Variants in PI4KA observed in about 807,000 individuals in gnomAD.
The protein encoded by PI4KA is PI4-kinase alpha.
Under a neutral mutation model 271.4 loss-of-function variants are expected in PI4KA, and 122 were observed. The observed-to-expected ratio is 0.45, with a 90% CI of 0.39 to 0.52. The LOEUF is 0.52. Among genes scored for constraint, PI4KA ranks in the 20% least tolerant of loss-of-function variants. The pLI, the probability that PI4KA is intolerant of heterozygous loss-of-function variation, is 0.00. For missense variants in PI4KA, 1,969 were observed against 2,769.1 expected (o/e 0.71, Z 6.48); for synonymous variants, 1,041 against 1,078.8 (o/e 0.96, Z 0.69).
At chr22:20,723,061 C>T (rs1926931594) in intron 42 of PI4KA, among the ~76,000 whole-genome samples, 5 of 150,952 alleles carry the variant, frequency 3.3e-5, no homozygotes, top group Admixed American at 3.3e-4. Flanking sequence ...CAGAGTCTCG[C>T]TCTGTCTCCC....
At chr22:20,820,722 T>C (rs1371660496) in intron 4 of PI4KA, 111 bp from the exon 5 acceptor site, 22 of 728,056 alleles carry the variant, frequency 3.0e-5, no homozygotes, top group Non-Finnish European at 4.7e-5. Context: ...ACCAACCCCA[T>C]ATATGATACA....
rs2845529 is a variant in PI4KA, at chr22:20,716,566, T to G, written c.5317+1142A>C. On this transcript the variant is annotated intron_variant, in intron 45 of 54. Coordinates refer to ENST00000255882, the MANE Select transcript of PI4KA (RefSeq NM_058004.4). ...CCTCCTCTTCCTCACCTGCCCTTCT[T>G]CCTGCTCCAGGCTGTGGCTCACACT... 2.6e-3 allele frequency among the ~76,000 whole-genome samples: 386 copies of G among 149,760 alleles called. 3 individuals carry two copies. The East Asian group carries it at 0.049, about 19-fold the overall frequency.
intron 41 of PI4KA, 56 bp from the exon 42 acceptor site, chr22:20,726,597 T>C: frequency 6.8e-7 from 1 of 1,480,792 alleles, no homozygotes; most frequent in Admixed American, 2.1e-5. Flanking sequence ...CACCCAACCC[T>C]ACGGCCCAGG....
intron 29 of PI4KA, among the ~76,000 whole-genome samples, chr22:20,746,038 C>CAAA (rs11330592): frequency 1.7e-5 from 1 of 60,370 alleles, no homozygotes; most frequent in Non-Finnish European, 2.8e-5. Flanking sequence ...GGGGTTTCAT[C>CAAA]AAAAAAAAAA....
chr22:20,828,986 G>A (rs1923807268), intron 3 of PI4KA, among the ~76,000 whole-genome samples: 1 of 152,158 alleles, frequency 6.6e-6, no homozygotes. Context: ...TGCATACATT[G>A]TATCGATCCT....
Position 20,858,739 on chromosome 22 carries a change from GC to G in PI4KA, c.-15del. 2 of 1,379,370 alleles carry G rather than the reference GC, an allele frequency of 1.4e-6. No homozygotes were observed. Among genetic ancestry groups the G allele is most frequent in the Non-Finnish European group, 1.9e-6 (2 of 1,066,146 alleles). The allele number at this position is 1,379,370 out of a possible 1,614,324, so 85.4% of individuals were successfully genotyped here. Reference sequence around the variant, plus strand: ...GGCCGCCGCCATCACCTCACGAGCCGCGGCGCTGCCCGCCGGCTCCCCGCTC... The same window carrying G: ...GGCCGCCGCCATCACCTCACGAGCCGGGCGCTGCCCGCCGGCTCCCCGCTC... On this transcript the variant is annotated 5_prime_UTR_variant, in exon 1 of 55. Transcript: ENST00000255882.
chr22:20,811,519 T>C (rs545948854), intron 8 of PI4KA, among the ~76,000 whole-genome samples: 1 of 151,048 alleles, frequency 6.6e-6, no homozygotes, highest in Admixed American at 6.7e-5. Flanking sequence ...AGCTCATATT[T>C]TAAATTTTCA....
At chr22:20,812,727 G>C (rs1171368818) in intron 8 of PI4KA, among the ~76,000 whole-genome samples, 1 of 152,062 alleles carries the variant, frequency 6.6e-6, no homozygotes, top group Non-Finnish European at 1.5e-5. Flanking sequence ...CTAAAGTTTT[G>C]TGTTTTTTAG....
chr22:20,762,984 C>G (rs952628442), intron 22 of PI4KA, among the ~76,000 whole-genome samples: 29 of 122,248 alleles, frequency 2.4e-4, no homozygotes, highest in African/African-American at 9.0e-4. Flanking sequence ...GCATGTGCCA[C>G]CACAACTGGC....
At chr22:20,770,411 G>A (rs2147425940) in intron 19 of PI4KA, among the ~76,000 whole-genome samples, 1 of 150,856 alleles carries the variant, frequency 6.6e-6, no homozygotes. Flanking sequence ...TACTTGGGAG[G>A]CTGAGGCAGG....
intron 19 of PI4KA, among the ~76,000 whole-genome samples, chr22:20,780,789 A>AAAAAAAAAAAAAAAAAAG (rs1569025354): frequency 2.6e-5 from 4 of 151,278 alleles, no homozygotes; most frequent in African/African-American, 9.7e-5. Flanking sequence ...AAAAAAAAAA[A>AAAAAAAAAAAAAAAAAAG]AAGAAGTAAA....
At chr22:20,784,930 T>C (rs773533845) in intron 19 of PI4KA, among the ~76,000 whole-genome samples, 9 of 152,132 alleles carry the variant, frequency 5.9e-5, no homozygotes, top group Admixed American at 1.3e-4. Context: ...CTGAGAAAAG[T>C]AGGCTCTCAG....
chr22:20,801,184 C>T (rs1243086287), intron 14 of PI4KA, among the ~76,000 whole-genome samples: 5 of 151,626 alleles, frequency 3.3e-5, no homozygotes, highest in African/African-American at 1.2e-4. Context: ...GCCACCACAC[C>T]AGGCCTCTTA....
At chr22:20,759,596 C>T (rs1931744132) in intron 23 of PI4KA, among the ~76,000 whole-genome samples, 2 of 151,392 alleles carry the variant, frequency 1.3e-5, no homozygotes, top group South Asian at 4.2e-4. Flanking sequence ...GACAGAGTCT[C>T]ACTCTGTCAC....
rs1935558481 is a variant in PI4KA, at chr22:20,805,016, C to T, written c.1318G>A (p.Ala440Thr). The T allele has an allele frequency of 6.2e-7, 1 of 1,614,090 alleles. No homozygotes were observed. Among genetic ancestry groups the T allele is most frequent in the East Asian group, 2.2e-5 (1 of 44,886 alleles). Reference protein sequence around the residue: ...PLKLRCQANAACVDLMVWAVK... With the variant: ...PLKLRCQANATCVDLMVWAVK... ...GCCCACACCATGAGGTCCACACAGG[C>T]AGCATTCGCCTGACAGCGCAGTTTG... is the stretch of plus-strand genomic sequence containing the variant. Residue 440 changes from alanine (A) to threonine (T), a missense_variant, in exon 11 of 55, where the codon GCC becomes ACC. Physicochemically the swap from Ala to Thr is moderately conservative, Grantham distance 58. Transcript: ENST00000255882.
At chr22:20,765,037 C>T (rs1480566916) in intron 21 of PI4KA, 63 bp downstream of exon 21, 2 of 1,581,430 alleles carry the variant, frequency 1.3e-6, no homozygotes, top group Non-Finnish European at 1.7e-6. Flanking sequence ...TTAATAATGA[C>T]AGTGAAAAGA....
Position 20,751,338 on chromosome 22 carries a change from G to A in PI4KA, c.3108C>T (p.Asp1036=), listed in dbSNP as rs1215488305. The A allele has an allele frequency of 8.7e-6, 14 of 1,614,034 alleles. No homozygotes were observed. Among genetic ancestry groups the A allele is most frequent in the East Asian group, 2.2e-5 (1 of 44,884 alleles). ...CAGGAACCGTGATCCGGTAGGGGGC[G>A]TCGGGGATGTCATAGTAAGGCTGAT... The part of the protein sequence containing the change: ...HKDQPYYDIP[D]APYRITVPDT... Residue 1036 remains aspartate (D), a synonymous_variant, in exon 27 of 55, where the codon GAC becomes GAT. Coordinates refer to ENST00000255882, the MANE Select transcript of PI4KA (RefSeq NM_058004.4).
chr22:20,740,554 G>A (rs1929308419), intron 32 of PI4KA, among the ~76,000 whole-genome samples: 1 of 151,410 alleles, frequency 6.6e-6, no homozygotes, highest in South Asian at 2.1e-4. Context: ...GAAGCTCAAT[G>A]AATTCCAACA....
In PI4KA at chr22:20,733,729, G is replaced by C. The variant is rs556021984; in HGVS notation, c.4160+7C>G. ...TGGACGCTGCACAGCACATCTTGGG[G>C]GAGTACCTGAAGTAGTCAAAGGCAG... On this transcript the variant is annotated splice_region_variant and intron_variant, in intron 35 of 54. Coordinates refer to ENST00000255882, the MANE Select transcript of PI4KA (RefSeq NM_058004.4). 6.4e-5 allele frequency: 104 copies of C among 1,613,864 alleles called. No individual in the cohort carries two copies. The Middle Eastern group carries it at 1.5e-3, about 23-fold the overall frequency.
Sources: allele counts gnomAD v4.1 joint callset (sites outside exome capture counted in the v4.1 genomes callset), GRCh38; gene constraint gnomAD v4.1.1; transcripts MANE v1.5; gene names NCBI Gene and HGNC (gene_info 2026-07-23, HGNC 2026-07-21).